The following MSI2 variants were observed in gnomAD, a reference collection of about 807,000 sequenced individuals.
The protein encoded by MSI2 is musashi RNA binding protein 2.
Under a neutral mutation model 45.6 loss-of-function variants are expected in MSI2, and 17 were observed. The ratio of observed to expected loss-of-function variants is 0.37; its 90% CI spans 0.26 to 0.56. The LOEUF (loss-of-function observed/expected upper bound fraction) is 0.56. Ranked by LOEUF, MSI2 falls within the 20% of genes least tolerant of loss-of-function variation. The pLI is 0.77. For missense variants in MSI2, 293 were observed against 444.2 expected, an observed-to-expected ratio of 0.66 and a Z score of 3.06; for synonymous variants, 156 against 158.2, an observed-to-expected ratio of 0.99 and a Z score of 0.11.
intron 5 of MSI2, among the ~76,000 whole-genome samples, chr17:57,351,560 A>G (rs1409009313): frequency 3.9e-5 from 6 of 152,234 alleles, no homozygotes; most frequent in Admixed American, 1.3e-4. Flanking sequence ...GCCTGATTCA[A>G]AGTTTGTGTG....
At chr17:57,361,966 T>C (rs1916844677) in intron 5 of MSI2, among the ~76,000 whole-genome samples, 1 of 152,240 alleles carries the variant, frequency 6.6e-6, no homozygotes, top group African/African-American at 2.4e-5. Flanking sequence ...CTACAAATTA[T>C]TTTGGTCAAA....
intron 7 of MSI2, among the ~76,000 whole-genome samples, chr17:57,592,884 TG>T (rs948805131): frequency 1.3e-5 from 2 of 152,078 alleles, no homozygotes; most frequent in Non-Finnish European, 2.9e-5. Context: ...ATTCAGGGTA[TG>T]GAGGTGATTT....
At chr17:57,546,859 G>A (rs987419284) in intron 7 of MSI2, among the ~76,000 whole-genome samples, 1 of 152,200 alleles carries the variant, frequency 6.6e-6, no homozygotes, top group Non-Finnish European at 1.5e-5. Context: ...TGTTCCAGGT[G>A]CAATGCTAGT....
intron 8 of MSI2, among the ~76,000 whole-genome samples, chr17:57,614,226 T>C (rs1907459272): frequency 6.6e-6 from 1 of 152,094 alleles, no homozygotes. Context: ...AATTTTTTTG[T>C]ATTTTTAGTA....
At chr17:57,693,351 T>G in the MSI2 span, among the ~76,000 whole-genome samples, 1 of 152,042 alleles carries the variant, frequency 6.6e-6, no homozygotes, top group Non-Finnish European at 1.5e-5. Flanking sequence ...CTGGCGAAAT[T>G]TTGTATTTTT....
chr17:57,387,838 G>A (rs2083711698), intron 5 of MSI2, among the ~76,000 whole-genome samples: 1 of 152,182 alleles, frequency 6.6e-6, no homozygotes, highest in African/African-American at 2.4e-5. Flanking sequence ...AAGGTGGTGG[G>A]GAGGGGGAAG....
At chr17:57,694,129 C>G in the MSI2 span, among the ~76,000 whole-genome samples, 6 of 152,176 alleles carry the variant, frequency 3.9e-5, no homozygotes, top group African/African-American at 2.4e-5. Flanking sequence ...GCCCACATGG[C>G]CCACAACACC....
intron 5 of MSI2, among the ~76,000 whole-genome samples, chr17:57,393,870 T>C (rs1285358431): frequency 1.3e-5 from 2 of 152,096 alleles, no homozygotes; most frequent in African/African-American, 2.4e-5. Context: ...TTAGTAGAGA[T>C]GGGGTTTTGC....
intron 9 of MSI2, among the ~76,000 whole-genome samples, chr17:57,618,606 C>T (rs1043834696): frequency 1.3e-5 from 2 of 152,126 alleles, no homozygotes; most frequent in Non-Finnish European, 2.9e-5. Context: ...TGCCGTGGCG[C>T]GATCTCAGCT....
intron 5 of MSI2, among the ~76,000 whole-genome samples, chr17:57,317,965 A>G (rs1371459475): frequency 6.6e-6 from 1 of 152,100 alleles, no homozygotes; most frequent in Non-Finnish European, 1.5e-5. Flanking sequence ...CCTGGCCAAC[A>G]TGGTGAAACC....
At chr17:57,698,468 G>T in the MSI2 span, among the ~76,000 whole-genome samples, 2 of 152,152 alleles carry the variant, frequency 1.3e-5, no homozygotes, top group East Asian at 1.9e-4. Context: ...CCTTTCCTCA[G>T]CTCCCAGGAC....
chr17:57,597,985 A>G (rs914076965), intron 8 of MSI2, among the ~76,000 whole-genome samples: 2 of 152,210 alleles, frequency 1.3e-5, no homozygotes, highest in Non-Finnish European at 2.9e-5. Context: ...GAAGTCGTGT[A>G]GGCCTCCCAG....
chr17:57,258,625 G>A lies in MSI2; in HGVS notation c.270+271G>A, dbSNP rs1259560090. Among the ~76,000 whole-genome samples the A allele has an allele frequency of 2.6e-5, 4 of 152,182 alleles. No individual in the cohort carries two copies. The South Asian group carries it at 6.2e-4, about 24-fold the overall frequency. On this transcript the variant is annotated intron_variant, in intron 4 of 13. Coordinates refer to ENST00000284073, the MANE Select transcript of MSI2 (RefSeq NM_138962.4). ...CTGGAGAGTCTGCCTTCCCGGCCTG[G>A]GGACTGTGCAGAGAAACTCCACCAG...
intron 7 of MSI2, among the ~76,000 whole-genome samples, chr17:57,574,714 C>CCAT (rs2087969775): frequency 6.6e-6 from 1 of 152,202 alleles, no homozygotes; most frequent in Non-Finnish European, 1.5e-5. Context: ...CTAGCTTTTG[C>CCAT]CATCTATCTT....
intron 5 of MSI2, among the ~76,000 whole-genome samples, chr17:57,394,307 T>C (rs2083849783): frequency 6.6e-6 from 1 of 152,140 alleles, no homozygotes; most frequent in Non-Finnish European, 1.5e-5. Flanking sequence ...CATACGCTGT[T>C]TGATTTTGGA....
chr17:57,690,000 A>T, the MSI2 span, among the ~76,000 whole-genome samples: 1 of 152,192 alleles, frequency 6.6e-6, no homozygotes, highest in Non-Finnish European at 1.5e-5. Context: ...TCTTGGGTAA[A>T]TAGGGCGAAG....
chr17:57,590,463 A>G (rs1313436899), intron 7 of MSI2, among the ~76,000 whole-genome samples: 1 of 152,178 alleles, frequency 6.6e-6, no homozygotes, highest in Admixed American at 6.5e-5. Context: ...TCAGATGAAT[A>G]TTTAGTTTTG....
intron 6 of MSI2, among the ~76,000 whole-genome samples, chr17:57,506,616 T>G (rs1047716585): frequency 2.0e-5 from 3 of 151,310 alleles, no homozygotes; most frequent in African/African-American, 7.3e-5. Context: ...TCCGAGGGAG[T>G]AGGGAGAAGG....
intron 5 of MSI2, chr17:57,264,742 C>G (rs1409325762): frequency 6.6e-6 from 1 of 152,260 alleles, no homozygotes; most frequent in African/African-American, 2.4e-5. Context: ...CCCAGGCAAC[C>G]TGGCTGTAGA....
Sources: allele counts gnomAD v4.1 joint callset (sites outside exome capture counted in the v4.1 genomes callset), GRCh38; gene constraint gnomAD v4.1.1; transcripts MANE v1.5; gene names NCBI Gene and HGNC (gene_info 2026-07-23, HGNC 2026-07-21).